TMEM163: variants seen among roughly 807,000 people sequenced by gnomAD.
The protein encoded by TMEM163 is transmembrane protein 163.
TMEM163 carries 17 observed loss-of-function variants against 29.3 expected under a neutral mutation model. The observed-to-expected ratio is 0.58, with a 90% CI of 0.40 to 0.87. The LOEUF (loss-of-function observed/expected upper bound fraction) is 0.87. Among genes scored for constraint, TMEM163 ranks in the 40% least tolerant of loss-of-function variants. The pLI, the probability that TMEM163 is intolerant of heterozygous loss-of-function variation, is 0.00. For missense variants in TMEM163, 303 were observed against 381.5 expected (o/e 0.79, Z 1.71); for synonymous variants, 157 against 160.6 (o/e 0.98, Z 0.17).
chr2:134,484,776 A>G (rs1372408108), intron 5 of TMEM163, among the ~76,000 whole-genome samples: 1 of 152,172 alleles, frequency 6.6e-6, no homozygotes, highest in Non-Finnish European at 1.5e-5. Flanking sequence ...GTAATTTGGC[A>G]ATGGGGGAAT....
rs996996482 is a variant in TMEM163, at chr2:134,659,186, A to G, written c.322+54014T>C. ...TTTGTGTATCTAAACACATCTAAAC[A>G]TAGGAAAGGTAATGTGTTGCAATTC... On this transcript the variant is annotated intron_variant, in intron 2 of 7. Coordinates refer to ENST00000281924, the MANE Select transcript of TMEM163 (RefSeq NM_030923.5). 2.0e-5 allele frequency among the ~76,000 whole-genome samples: 3 copies of G among 152,316 alleles called. No individual in the cohort carries two copies. The South Asian group carries it at 6.2e-4, about 32-fold the overall frequency.
chr2:134,657,529 A>G (rs1574316414), intron 2 of TMEM163, among the ~76,000 whole-genome samples: 1 of 147,994 alleles, frequency 6.8e-6, no homozygotes, highest in South Asian at 2.1e-4. Flanking sequence ...CAGGCTGGGC[A>G]TGGTGGCGCA....
intron 2 of TMEM163, among the ~76,000 whole-genome samples, chr2:134,581,594 T>A (rs1194284272): frequency 6.6e-6 from 1 of 151,994 alleles, no homozygotes; most frequent in African/African-American, 2.4e-5. Context: ...ATTCCCCCAC[T>A]TACAGGAGCT....
chr2:134,645,173 A>C (rs531868042), intron 2 of TMEM163, among the ~76,000 whole-genome samples: 11 of 152,346 alleles, frequency 7.2e-5, no homozygotes, highest in Admixed American at 4.6e-4. Context: ...AGGAATACAA[A>C]ATGGTATAAC....
At position 134,693,669 on chromosome 2, in the gene TMEM163, A is replaced by G. The variant is rs183926654; in HGVS notation, c.322+19531T>C. 9.4e-4 allele frequency among the ~76,000 whole-genome samples: 143 copies of G among 152,180 alleles called. 1 individual carries two copies. The highest frequency in any genetic ancestry group is 1.3e-3 in the Non-Finnish European group (87 of 68,008). On this transcript the variant is annotated intron_variant, in intron 2 of 7. Transcript: ENST00000281924. The stretch of plus-strand genomic sequence containing the variant: ...CTACAGCATGATGGAGCTTTTAAAA[A>G]CAAATCAACCTTGACCTGCTTTGGT...
chr2:134,501,033 T>C (rs1032042019), intron 5 of TMEM163, among the ~76,000 whole-genome samples: 19 of 152,194 alleles, frequency 1.2e-4, no homozygotes, highest in African/African-American at 4.3e-4. Context: ...TTTGAGATAA[T>C]GGATATGGTA....
intron 5 of TMEM163, among the ~76,000 whole-genome samples, chr2:134,477,009 G>A (rs1326815291): frequency 6.6e-6 from 1 of 152,160 alleles, no homozygotes; most frequent in African/African-American, 2.4e-5. Context: ...AGGCTGAGTA[G>A]GAACCCTCTT....
At chr2:134,521,194 T>A (rs1457855325) in intron 4 of TMEM163, among the ~76,000 whole-genome samples, 2 of 152,134 alleles carry the variant, frequency 1.3e-5, no homozygotes, top group Admixed American at 1.3e-4. Flanking sequence ...AGATGGGGTT[T>A]CACCGAGTTA....
At chr2:134,555,568 G>A (rs1035716437) in intron 2 of TMEM163, among the ~76,000 whole-genome samples, 5 of 152,230 alleles carry the variant, frequency 3.3e-5, no homozygotes, top group Non-Finnish European at 5.9e-5. Flanking sequence ...AGAGACGGGC[G>A]ACCAGGCAGC....
chr2:134,563,085 T>C (rs549415824), intron 2 of TMEM163, among the ~76,000 whole-genome samples: 1 of 152,338 alleles, frequency 6.6e-6, no homozygotes, highest in South Asian at 2.1e-4. Context: ...CCCTGGACCC[T>C]TTCCTGATAT....
At chr2:134,555,976 A>C (rs1008049159) in intron 2 of TMEM163, among the ~76,000 whole-genome samples, 1 of 152,212 alleles carries the variant, frequency 6.6e-6, no homozygotes. Context: ...GCACAATTCA[A>C]TTTGAGCCAA....
intron 3 of TMEM163, among the ~76,000 whole-genome samples, chr2:134,551,487 C>A (rs938022435): frequency 1.3e-4 from 20 of 152,172 alleles, no homozygotes; most frequent in Non-Finnish European, 2.6e-4. Context: ...TGGGTCACTA[C>A]ACCACACCAC....
At chr2:134,480,737 A>G (rs1189242167) in intron 5 of TMEM163, among the ~76,000 whole-genome samples, 2 of 152,184 alleles carry the variant, frequency 1.3e-5, no homozygotes, top group Non-Finnish European at 1.5e-5. Context: ...TTAGGCAAGG[A>G]GAGGGGACCT....
At position 134,589,762 on chromosome 2, in the gene TMEM163, C is replaced by A. The variant is rs137870552; in HGVS notation, c.323-37671G>T. ...TAGCCATTCTTTATTCCTTTACTTTCCAAATAAACTTGCTTTCACTTCATG... is the reference window on the plus strand; with the variant it reads ...TAGCCATTCTTTATTCCTTTACTTTACAAATAAACTTGCTTTCACTTCATG... On this transcript the variant is annotated intron_variant, in intron 2 of 7. Transcript: ENST00000281924. 7.7e-3 allele frequency among the ~76,000 whole-genome samples: 1,168 copies of A among 152,314 alleles called. 23 individuals carry two copies. Among genetic ancestry groups the A allele is most frequent in the African/African-American group, 0.027 (1,112 of 41,556 alleles).
At chr2:134,556,924 C>T (rs1029583493) in intron 2 of TMEM163, among the ~76,000 whole-genome samples, 3 of 152,184 alleles carry the variant, frequency 2.0e-5, no homozygotes, top group African/African-American at 7.2e-5. Context: ...TTGGGTTCTG[C>T]ATTGGGTGCC....
chr2:134,633,169 GGA>G (rs1172302144), intron 2 of TMEM163, among the ~76,000 whole-genome samples: 2 of 152,148 alleles, frequency 1.3e-5, no homozygotes, highest in African/African-American at 4.8e-5. Flanking sequence ...CTGGTTAAAA[GGA>G]GAGAGTACCA....
chr2:134,462,667 G>A (rs1686572593), intron 6 of TMEM163, among the ~76,000 whole-genome samples: 1 of 152,236 alleles, frequency 6.6e-6, no homozygotes, highest in South Asian at 2.1e-4. Flanking sequence ...AGAGTCAGAA[G>A]TTGTTTCATT....
At chr2:134,636,514 C>T (rs1158037511) in intron 2 of TMEM163, among the ~76,000 whole-genome samples, 1 of 152,220 alleles carries the variant, frequency 6.6e-6, no homozygotes, top group African/African-American at 2.4e-5. Context: ...TGCTTCTAAC[C>T]TCCAAGCTGT....
chr2:134,674,329 TAG>T (rs1170963387), intron 2 of TMEM163, among the ~76,000 whole-genome samples: 1 of 147,852 alleles, frequency 6.8e-6, no homozygotes, highest in Non-Finnish European at 1.5e-5. Flanking sequence ...AAAATCAAAA[TAG>T]AGTCATTAAT....
Sources: gnomAD v4.1 joint callset for allele counts (sites outside exome capture counted in the v4.1 genomes callset) on GRCh38, gnomAD v4.1.1 for gene constraint, MANE v1.5 for transcripts, NCBI Gene and HGNC (gene_info 2026-07-23, HGNC 2026-07-21) for gene names.